The following ME3 variants were observed in gnomAD, a reference collection of about 807,000 sequenced individuals.
The protein encoded by ME3 is NADP-dependent malic enzyme, mitochondrial.
Under a neutral mutation model 68.9 loss-of-function variants are expected in ME3, and 48 were observed. That is an observed-to-expected ratio of 0.70 (90% CI 0.55 to 0.89). The LOEUF (loss-of-function observed/expected upper bound fraction) is 0.89, where lower values mean the gene tolerates loss of function less well. Among genes scored for constraint, ME3 ranks in the 40% least tolerant of loss-of-function variants. The pLI is 0.00. For missense variants in ME3, 675 were observed against 797.4 expected, an observed-to-expected ratio of 0.85 and a Z score of 1.85; for synonymous variants, 320 against 318.8, an observed-to-expected ratio of 1.00 and a Z score of -0.04.
intron 4 of ME3, among the ~76,000 whole-genome samples, chr11:86,538,757 G>T (rs1012973371): frequency 1.3e-5 from 2 of 152,078 alleles, no homozygotes; most frequent in African/African-American, 4.8e-5. Flanking sequence ...TTTGAAATTA[G>T]AGTCTACCCC....
intron 4 of ME3, among the ~76,000 whole-genome samples, chr11:86,529,552 A>T (rs887992646): frequency 6.6e-6 from 1 of 152,204 alleles, no homozygotes; most frequent in East Asian, 1.9e-4. Flanking sequence ...GAGACACAAC[A>T]AAAAAAGAGA....
intron 2 of ME3, among the ~76,000 whole-genome samples, chr11:86,644,712 C>G (rs2135398734): frequency 6.6e-6 from 1 of 152,320 alleles, no homozygotes; most frequent in East Asian, 1.9e-4. Context: ...TATTCTCTTA[C>G]ACTATACTCT....
At chr11:86,476,666 C>T (rs1037772634) in intron 7 of ME3, among the ~76,000 whole-genome samples, 3 of 151,872 alleles carry the variant, frequency 2.0e-5, no homozygotes, top group African/African-American at 7.3e-5. Flanking sequence ...TACTGCTCCC[C>T]TCTATGTACA....
chr11:86,622,662 G>A (rs1236584709), intron 2 of ME3: 1 of 151,950 alleles, frequency 6.6e-6, no homozygotes, highest in African/African-American at 2.4e-5. Flanking sequence ...CTGTCTATGG[G>A]TCTCTTTCTC....
chr11:86,574,400 G>C (rs182541945), intron 2 of ME3, among the ~76,000 whole-genome samples: 3 of 47,654 alleles, frequency 6.3e-5, no homozygotes, highest in East Asian at 2.1e-3. Context: ...TTGTTGCCGG[G>C]GGGGGGGGGG....
intron 2 of ME3, 29 bp downstream of exon 2, chr11:86,671,733 G>A: frequency 6.3e-7 from 1 of 1,593,478 alleles, no homozygotes; most frequent in Non-Finnish European, 8.5e-7. Flanking sequence ...GGATCGCAAC[G>A]CGGGCCGTCC....
intron 2 of ME3, among the ~76,000 whole-genome samples, chr11:86,607,515 C>A (rs1370429506): frequency 7.1e-6 from 1 of 140,788 alleles, no homozygotes; most frequent in South Asian, 2.3e-4. Flanking sequence ...TGGTGAATAT[C>A]ATCAGAAAAA....
At chr11:86,442,755 A>G (rs1353080089) in intron 14 of ME3, 66 bp downstream of exon 14, 3 of 1,365,430 alleles carry the variant, frequency 2.2e-6, no homozygotes, top group East Asian at 2.3e-5. Context: ...TAACCCTCCT[A>G]AAGTCACAGA....
chr11:86,575,504 A>G (rs1193365406), intron 2 of ME3, among the ~76,000 whole-genome samples: 1 of 147,514 alleles, frequency 6.8e-6, no homozygotes, highest in Non-Finnish European at 1.5e-5. Context: ...GTTATTAACA[A>G]TGATAGGAAT....
chr11:86,591,861 C>T (rs538024332), intron 2 of ME3, among the ~76,000 whole-genome samples: 7 of 152,128 alleles, frequency 4.6e-5, no homozygotes, highest in South Asian at 2.1e-4. Flanking sequence ...TACCTCCCAC[C>T]GAGTCTCTCC....
intron 4 of ME3, among the ~76,000 whole-genome samples, chr11:86,546,711 G>A (rs1956379590): frequency 6.6e-6 from 1 of 152,210 alleles, no homozygotes; most frequent in Non-Finnish European, 1.5e-5. Flanking sequence ...TTTTTACACT[G>A]TTGGTGAGAG....
rs138973181 is a variant in ME3 at position 86,559,656 on chromosome 11, G to C, written c.317+34C>G. 147 of 1,592,432 alleles carry C rather than the reference G, an allele frequency of 9.2e-5. No homozygotes were observed. The African/African-American group carries it at 1.8e-3, about 20-fold the overall frequency. ...CAGGAAACAGACAGCTCAGCCCAAG[G>C]ACCAGACAGAGAGAACAGACACTAG... On this transcript the variant is annotated intron_variant, in intron 3 of 14. Coordinates refer to ENST00000543262, the Ensembl canonical transcript of ME3.
chr11:86,657,387 A>G (rs1255049596), intron 2 of ME3, among the ~76,000 whole-genome samples: 2 of 139,108 alleles, frequency 1.4e-5, no homozygotes, highest in East Asian at 2.3e-4. Context: ...CAAACACCAC[A>G]TGTTCTCATT....
In ME3 at chr11:86,532,023, A is replaced by C. The variant is rs545849520; in HGVS notation, c.468-23156T>G. 3.0e-4 allele frequency among the ~76,000 whole-genome samples: 45 copies of C among 152,206 alleles called. No homozygotes were observed. The South Asian group carries it at 9.3e-3, about 32-fold the overall frequency. On this transcript the variant is annotated intron_variant, in intron 4 of 14. Transcript: ENST00000543262. ...AAAACCAGAAACTGAAAGTGGAGGG[A>C]TGGAAAAAGATATTCCACGCAAATG...
intron 5 of ME3, among the ~76,000 whole-genome samples, chr11:86,505,334 A>C (rs139103283): frequency 3.9e-5 from 6 of 152,304 alleles, no homozygotes; most frequent in African/African-American, 1.4e-4. Flanking sequence ...GAGGCAGTCC[A>C]ATCAGCTCTA....
intron 13 of ME3, among the ~76,000 whole-genome samples, chr11:86,443,701 T>C (rs11234656): frequency 0.34 from 51,846 of 152,202 alleles, 9,310 homozygotes; most frequent in Admixed American, 0.41. Context: ...GTGACAAGGC[T>C]AAGAAGTTGG....
rs1367583434 is a variant in ME3, at chr11:86,594,689, C to CA, written c.184-34867dup. Among the ~76,000 whole-genome samples the CA allele has an allele frequency of 1.2e-4, 18 of 145,222 alleles. 4 individuals are homozygous for CA. Among genetic ancestry groups the CA allele is most frequent in the East Asian group, 4.9e-4 (2 of 4,056 alleles). Reference sequence around the variant, plus strand: ...CAAGACCCTTTCTCAAAAAACAATACAAAAAAACACAAAAAAACAAAAAAA... The same window carrying CA: ...CAAGACCCTTTCTCAAAAAACAATACAAAAAAAACACAAAAAAACAAAAAAA... On this transcript the variant is annotated intron_variant, in intron 2 of 14. Transcript: ENST00000543262.
intron 4 of ME3, among the ~76,000 whole-genome samples, chr11:86,523,579 A>G (rs774941004): frequency 1.3e-5 from 2 of 152,040 alleles, no homozygotes; most frequent in Non-Finnish European, 2.9e-5. Flanking sequence ...ATGAGATTTT[A>G]TTTTTGGCAG....
At chr11:86,442,368 G>A (rs1318637904) in intron 14 of ME3, among the ~76,000 whole-genome samples, 1 of 152,218 alleles carries the variant, frequency 6.6e-6, no homozygotes, top group East Asian at 1.9e-4. Flanking sequence ...TTCTGAGAGT[G>A]AGGAACTACT....
Sources: allele counts gnomAD v4.1 joint callset (sites outside exome capture counted in the v4.1 genomes callset), GRCh38; gene constraint gnomAD v4.1.1; transcripts MANE v1.5; gene names NCBI Gene and HGNC (gene_info 2026-07-23, HGNC 2026-07-21).